The following CCDC171 variants were observed in gnomAD, a reference collection of about 807,000 sequenced individuals.
CCDC171 encodes coiled-coil domain-containing protein 171.
In CCDC171, 177 loss-of-function variants were observed where a neutral mutation model predicts 168.2. The ratio of observed to expected loss-of-function variants is 1.05; its 90% CI spans 0.93 to 1.19. The LOEUF is 1.19. CCDC171 is among the 50% of genes most tolerant of loss of function. The probability of loss-of-function intolerance (pLI) is 0.00; values close to 1 mark genes in which losing one functional copy is unlikely to be tolerated. For missense variants in CCDC171, 1,991 were observed against 1,539.0 expected (o/e 1.29, Z -4.91); for synonymous variants, 687 against 540.8 (o/e 1.27, Z -3.75).
chr9:15,732,247 A>G (rs972426913), intron 16 of CCDC171, among the ~76,000 whole-genome samples: 4 of 152,008 alleles, frequency 2.6e-5, no homozygotes, highest in African/African-American at 9.7e-5. Context: ...ATGTGAAATG[A>G]TTTTTCCTTA....
chr9:15,906,237 C>T (rs1441769566), intron 24 of CCDC171, among the ~76,000 whole-genome samples: 1 of 152,154 alleles, frequency 6.6e-6, no homozygotes, highest in Admixed American at 6.5e-5. Context: ...GAATTTTAGA[C>T]CAATGTCCTT....
At chr9:15,951,799 C>T (rs767127776) in intron 25 of CCDC171, among the ~76,000 whole-genome samples, 1 of 152,120 alleles carries the variant, frequency 6.6e-6, no homozygotes, top group Admixed American at 6.6e-5. Context: ...AGTATTTTCT[C>T]CTGTTCTGTG....
intron 11 of CCDC171, among the ~76,000 whole-genome samples, chr9:15,712,687 C>A (rs902207301): frequency 1.1e-4 from 17 of 152,186 alleles, no homozygotes; most frequent in Admixed American, 1.3e-4. Context: ...TCAGTGTGAT[C>A]AACCTGCCAC....
chr9:15,982,519 A>G (rs1831832272), intron 3 of CCDC171, among the ~76,000 whole-genome samples: 1 of 152,114 alleles, frequency 6.6e-6, no homozygotes, highest in South Asian at 2.1e-4. Flanking sequence ...AAATTACTGG[A>G]AGGAAAGAGG....
intron 4 of CCDC171, among the ~76,000 whole-genome samples, chr9:15,585,268 T>A (rs1587154952): frequency 6.6e-6 from 1 of 152,344 alleles, no homozygotes; most frequent in Non-Finnish European, 1.5e-5. Context: ...AGAAAAACTT[T>A]TGTCCAAAAA....
chr9:15,911,944 A>G (rs1823717555), intron 24 of CCDC171, among the ~76,000 whole-genome samples: 1 of 152,192 alleles, frequency 6.6e-6, no homozygotes, highest in African/African-American at 2.4e-5. Context: ...CGTTTTGGTT[A>G]CTGTAGCCTT....
At position 15,917,447 on chromosome 9, in the gene CCDC171, G is replaced by A. The variant is rs114070994; in HGVS notation, c.3601-2823G>A. Among the ~76,000 whole-genome samples the A allele has an allele frequency of 1.7e-3, 259 of 150,226 alleles. 2 individuals carry two copies. The highest frequency in any genetic ancestry group is 5.8e-3 in the African/African-American group (241 of 41,434). The stretch of plus-strand genomic sequence containing the variant: ...AAGAGAGTTGGAATGTTTAAGATTT[G>A]AAATCCTAAGAAAAATTGGATTATT... On this transcript the variant is annotated intron_variant, in intron 24 of 25. Coordinates refer to ENST00000380701, the MANE Select transcript of CCDC171 (RefSeq NM_173550.4).
chr9:15,655,229 TATTA>T (rs2047835248), intron 7 of CCDC171, among the ~76,000 whole-genome samples: 2 of 152,122 alleles, frequency 1.3e-5, no homozygotes, highest in South Asian at 4.1e-4. Flanking sequence ...ATATAATGAA[TATTA>T]ATTTATTTTT....
At chr9:15,966,012 A>G (rs1355348224) in intron 25 of CCDC171, among the ~76,000 whole-genome samples, 2 of 152,254 alleles carry the variant, frequency 1.3e-5, no homozygotes, top group African/African-American at 4.8e-5. Flanking sequence ...TCACTCATTC[A>G]TCATTTAGGA....
At chr9:15,909,317 A>C (rs1175206799) in intron 24 of CCDC171, among the ~76,000 whole-genome samples, 1 of 152,054 alleles carries the variant, frequency 6.6e-6, no homozygotes, top group Non-Finnish European at 1.5e-5. Flanking sequence ...GATCCTTTCT[A>C]CTTTCTATTC....
the CCDC171 span, among the ~76,000 whole-genome samples, chr9:16,079,245 C>A: frequency 1.3e-5 from 2 of 152,200 alleles, no homozygotes; most frequent in African/African-American, 4.8e-5. Flanking sequence ...CCCCAGTGGC[C>A]TGGTGTTACG....
chr9:15,995,872 T>A (rs569843871), intron 3 of CCDC171, among the ~76,000 whole-genome samples: 1 of 152,224 alleles, frequency 6.6e-6, no homozygotes, highest in East Asian at 1.9e-4. Flanking sequence ...TATTCACTGC[T>A]ATGGGGTAGA....
rs1003373206 is a variant in CCDC171 at position 15,553,149 on chromosome 9, G to C, written c.-265G>C. ...TCTTCCCCTTCTGTACCCCTTTGCT[G>C]TTTGTCCCCCTCCTCCCGGGTCCTG... On this transcript the variant is annotated 5_prime_UTR_variant, in exon 1 of 26. Coordinates refer to ENST00000380701, the MANE Select transcript of CCDC171 (RefSeq NM_173550.4). 6.6e-6 allele frequency: 1 copy of C among 152,604 alleles called. No individual in the cohort carries two copies. Among genetic ancestry groups the C allele is most frequent in the African/African-American group, 2.4e-5 (1 of 41,456 alleles). 9.5% of individuals were successfully genotyped at this position (152,604 alleles called of 1,614,324 possible). A position where few individuals can be genotyped will look rare whatever the true frequency, so the allele number is the denominator to read the frequency against.
chr9:15,994,557 A>G (rs1442216526), intron 3 of CCDC171, among the ~76,000 whole-genome samples: 1 of 152,214 alleles, frequency 6.6e-6, no homozygotes, highest in Admixed American at 6.5e-5. Context: ...CACATTGTGC[A>G]CATGTACCCT....
intron 16 of CCDC171, among the ~76,000 whole-genome samples, chr9:15,737,541 T>C (rs1474362930): frequency 6.6e-6 from 1 of 152,172 alleles, no homozygotes; most frequent in African/African-American, 2.4e-5. Context: ...TAATATCTCT[T>C]AACAGTAAGC....
chr9:15,857,646 C>T (rs1245296986), intron 23 of CCDC171, among the ~76,000 whole-genome samples: 2 of 151,812 alleles, frequency 1.3e-5, no homozygotes, highest in Non-Finnish European at 2.9e-5. Context: ...TGGTCTTGAA[C>T]TCCTGTCCTC....
intron 6 of CCDC171, among the ~76,000 whole-genome samples, chr9:15,616,519 C>G (rs999546876): frequency 6.6e-6 from 1 of 151,982 alleles, no homozygotes; most frequent in African/African-American, 2.4e-5. Flanking sequence ...TTGTTATAGA[C>G]TCCATTTTGT....
At chr9:15,878,331 C>T (rs1241167103) in intron 24 of CCDC171, among the ~76,000 whole-genome samples, 2 of 151,400 alleles carry the variant, frequency 1.3e-5, no homozygotes, top group East Asian at 3.9e-4. Flanking sequence ...ACATACTTTT[C>T]AAAAGAAGAC....
At chr9:15,933,076 A>G (rs116265109) in intron 25 of CCDC171, among the ~76,000 whole-genome samples, 248 of 152,010 alleles carry the variant, frequency 1.6e-3, no homozygotes, top group African/African-American at 5.3e-3. Context: ...TCCTTGTGCA[A>G]TTTTGGAGTC....
Sources: gnomAD v4.1 joint callset for allele counts (sites outside exome capture counted in the v4.1 genomes callset) on GRCh38, gnomAD v4.1.1 for gene constraint, MANE v1.5 for transcripts, NCBI Gene and HGNC (gene_info 2026-07-23, HGNC 2026-07-21) for gene names.